The following PDHX variants were observed in gnomAD, a reference collection of about 807,000 sequenced individuals.
PDHX encodes the protein pyruvate dehydrogenase complex component X.
In PDHX, 33 loss-of-function variants were observed where a neutral mutation model predicts 55.3. The ratio of observed to expected loss-of-function variants is 0.60; its 90% confidence interval spans 0.45 to 0.80. The LOEUF (loss-of-function observed/expected upper bound fraction) is 0.80, where lower values mean the gene tolerates loss of function less well. PDHX is among the 30% of genes least tolerant of loss of function. The probability of loss-of-function intolerance (pLI) is 0.00; values close to 1 mark genes in which losing one functional copy is unlikely to be tolerated. For missense variants in PDHX, 622 were observed against 619.9 expected (o/e 1.00, Z -0.04); for synonymous variants, 226 against 219.4 (o/e 1.03, Z -0.27).
At chr11:34,949,468 C>G (rs1854702794) in intron 3 of PDHX, among the ~76,000 whole-genome samples, 1 of 152,142 alleles carries the variant, frequency 6.6e-6, no homozygotes, top group African/African-American at 2.4e-5. Flanking sequence ...GAACTCCTGA[C>G]TCAAGTAATC....
chr11:34,938,251 A>G (rs147339699), intron 2 of PDHX, among the ~76,000 whole-genome samples: 14 of 152,356 alleles, frequency 9.2e-5, no homozygotes, highest in African/African-American at 2.6e-4. Flanking sequence ...AAATTATTCA[A>G]TAACCCAATA....
At chr11:34,987,963 ATGT>A (rs1251321510) in intron 9 of PDHX, among the ~76,000 whole-genome samples, 3 of 152,146 alleles carry the variant, frequency 2.0e-5, no homozygotes, top group African/African-American at 7.2e-5. Flanking sequence ...TAGACAGTAA[ATGT>A]TACATTTATG....
At chr11:34,915,954 C>G (rs1262354712), upstream of PDHX, 1 of 560,536 alleles carries the variant, frequency 1.8e-6, no homozygotes, top group African/African-American at 2.0e-5. Flanking sequence ...GTCACCTAAA[C>G]GCTCTCCTCT....
At chr11:34,928,652 A>G (rs1854083443) in intron 1 of PDHX, among the ~76,000 whole-genome samples, 1 of 152,186 alleles carries the variant, frequency 6.6e-6, no homozygotes, top group Non-Finnish European at 1.5e-5. Context: ...TCATTCTGTT[A>G]TCTCCAAATG....
At chr11:34,926,905 A>G (rs1854036186) in intron 1 of PDHX, among the ~76,000 whole-genome samples, 1 of 152,118 alleles carries the variant, frequency 6.6e-6, no homozygotes, top group African/African-American at 2.4e-5. Context: ...GCTTAGAGGG[A>G]TTACTGTAAA....
At chr11:34,969,624 T>C (rs890560205) in intron 6 of PDHX, among the ~76,000 whole-genome samples, 2 of 152,144 alleles carry the variant, frequency 1.3e-5, no homozygotes. Context: ...AGATTACAGG[T>C]GTGAGCCACC....
chr11:34,937,552 A>T (rs903922887), intron 2 of PDHX, among the ~76,000 whole-genome samples: 6 of 151,870 alleles, frequency 4.0e-5, no homozygotes, highest in Non-Finnish European at 8.8e-5. Flanking sequence ...TGAGGCATTC[A>T]AGGGAAGGTG....
chr11:34,991,576 G>A (rs558041582), intron 9 of PDHX, among the ~76,000 whole-genome samples: 2 of 152,212 alleles, frequency 1.3e-5, no homozygotes, highest in Non-Finnish European at 2.9e-5. Flanking sequence ...GTGGGATTGT[G>A]GGTATACTAC....
At chr11:34,957,301 G>T in intron 3 of PDHX, 83 bp from the exon 4 acceptor site, 2 of 964,368 alleles carry the variant, frequency 2.1e-6, no homozygotes, top group Non-Finnish European at 1.7e-6. Flanking sequence ...ATCTTAAGGG[G>T]AGAATTACCC....
chr11:34,967,117 G>C (rs1855154682), intron 6 of PDHX, among the ~76,000 whole-genome samples: 1 of 152,130 alleles, frequency 6.6e-6, no homozygotes, highest in African/African-American at 2.4e-5. Context: ...CTCCCAAAGT[G>C]CTGGGATTAC....
chr11:34,956,758 C>G (rs1015942134), intron 3 of PDHX, among the ~76,000 whole-genome samples: 2 of 152,004 alleles, frequency 1.3e-5, no homozygotes, highest in Non-Finnish European at 2.9e-5. Flanking sequence ...TAAAAAAACT[C>G]ATGAGGTTTT....
intron 1 of PDHX, among the ~76,000 whole-genome samples, chr11:34,927,414 G>T (rs996463954): frequency 6.6e-6 from 1 of 151,972 alleles, no homozygotes; most frequent in East Asian, 1.9e-4. Flanking sequence ...GAATAAGGAG[G>T]GAGTCTGCAT....
At chr11:34,970,516 A>G (rs922081667) in intron 7 of PDHX, among the ~76,000 whole-genome samples, 26 of 152,234 alleles carry the variant, frequency 1.7e-4, no homozygotes, top group African/African-American at 6.3e-4. Context: ...AGATGCCTTT[A>G]TGCAGAAAAA....
At chr11:34,967,051 C>T (rs1303721563) in intron 6 of PDHX, among the ~76,000 whole-genome samples, 1 of 152,060 alleles carries the variant, frequency 6.6e-6, no homozygotes, top group African/African-American at 2.4e-5. Flanking sequence ...GGGGTTTCAC[C>T]ATGTTGGCTA....
intron 7 of PDHX, among the ~76,000 whole-genome samples, chr11:34,976,789 T>G (rs1193250003): frequency 6.6e-6 from 1 of 152,108 alleles, no homozygotes; most frequent in East Asian, 1.9e-4. Flanking sequence ...GACTGTGGAC[T>G]TAGGTGGTAG....
intron 2 of PDHX, among the ~76,000 whole-genome samples, chr11:34,945,997 G>C (rs1186083372): frequency 2.0e-5 from 3 of 152,220 alleles, no homozygotes; most frequent in Non-Finnish European, 4.4e-5. Flanking sequence ...AGTGCCTCCA[G>C]TGTCTTCCCT....
In PDHX at chr11:34,960,458, A is replaced by AAAT; in HGVS notation, c.582_583insATA (p.Lys194_His195insIle). ...CCAGCTGCCCGCAATATTCTGGAAAAACACTCACTGGATGCTAGCCAGGGC... is the reference window on the plus strand; with the variant it reads ...CCAGCTGCCCGCAATATTCTGGAAAAAATACACTCACTGGATGCTAGCCAGGGC... On this transcript the variant is annotated inframe_insertion, in exon 5 of 11. Coordinates refer to ENST00000227868, the MANE Select transcript of PDHX (RefSeq NM_003477.3). 1 of 1,613,540 alleles carries AAAT rather than the reference A, an allele frequency of 6.2e-7. No homozygotes were observed. Among genetic ancestry groups the AAAT allele is most frequent in the Non-Finnish European group, 8.5e-7 (1 of 1,179,662 alleles).
intron 2 of PDHX, among the ~76,000 whole-genome samples, chr11:34,944,495 GTAAA>G (rs1276965577): frequency 6.6e-6 from 1 of 152,108 alleles, no homozygotes; most frequent in Non-Finnish European, 1.5e-5. Context: ...CTTTTAGGTG[GTAAA>G]TAAATATCAT....
intron 3 of PDHX, among the ~76,000 whole-genome samples, chr11:34,952,473 A>G (rs1470548797): frequency 2.0e-5 from 3 of 152,028 alleles, no homozygotes; most frequent in Non-Finnish European, 4.4e-5. Context: ...CCAGCAGCAC[A>G]TCAAAAAGCT....
Sources: allele counts gnomAD v4.1 joint callset (sites outside exome capture counted in the v4.1 genomes callset), GRCh38; gene constraint gnomAD v4.1.1; transcripts MANE v1.5; gene names NCBI Gene and HGNC (gene_info 2026-07-23, HGNC 2026-07-21).